CALD1: variants seen among roughly 807,000 people sequenced by gnomAD.
CALD1 encodes the protein caldesmon.
Under a neutral mutation model 99.9 loss-of-function variants are expected in CALD1, and 33 were observed. That is an observed-to-expected ratio of 0.33 (90% CI 0.25 to 0.44). The LOEUF (loss-of-function observed/expected upper bound fraction) is 0.44. Ranked by LOEUF, CALD1 falls within the 20% of genes least tolerant of loss-of-function variation. The probability of loss-of-function intolerance (pLI) is 1.00; values close to 1 mark genes in which losing one functional copy is unlikely to be tolerated. For missense variants in CALD1, 861 were observed against 962.1 expected (o/e 0.89, Z 1.39); for synonymous variants, 310 against 325.0 (o/e 0.95, Z 0.50).
chr7:134,886,747 A>G (rs1348467999), intron 3 of CALD1, among the ~76,000 whole-genome samples: 1 of 152,228 alleles, frequency 6.6e-6, no homozygotes, highest in Non-Finnish European at 1.5e-5. Flanking sequence ...ATTGAGCGTG[A>G]GAGTGATTAA....
the CALD1 span, among the ~76,000 whole-genome samples, chr7:134,712,463 C>CACGCAT: frequency 6.6e-6 from 1 of 152,170 alleles, no homozygotes; most frequent in Non-Finnish European, 1.5e-5. Flanking sequence ...CAACTGGATA[C>CACGCAT]ACGCATTGCA....
intron 6 of CALD1, among the ~76,000 whole-genome samples, chr7:134,940,241 C>G (rs1025417177): frequency 2.0e-5 from 3 of 152,052 alleles, no homozygotes; most frequent in Non-Finnish European, 4.4e-5. Context: ...TCCTTTACCC[C>G]CTCCCCCACA....
At chr7:134,769,258 C>T (rs1796856390) in intron 1 of CALD1, among the ~76,000 whole-genome samples, 1 of 152,014 alleles carries the variant, frequency 6.6e-6, no homozygotes, top group Non-Finnish European at 1.5e-5. Flanking sequence ...GTGAGGGCGT[C>T]CCAAGAGGAT....
chr7:134,793,452 G>A (rs7779600), intron 1 of CALD1, among the ~76,000 whole-genome samples: 38,320 of 151,868 alleles, frequency 0.25, 5,156 homozygotes, highest in African/African-American at 0.34. Context: ...GGTTTCAAGC[G>A]CCCATACATT....
the CALD1 span, among the ~76,000 whole-genome samples, chr7:134,711,678 A>ATGTGTG: frequency 2.0e-4 from 11 of 54,832 alleles, no homozygotes; most frequent in African/African-American, 5.6e-4. Flanking sequence ...ATATATATAT[A>ATGTGTG]TATGTGTGTG....
chr7:134,747,547 A>T (rs1028763075), intron 1 of CALD1, among the ~76,000 whole-genome samples: 4 of 152,242 alleles, frequency 2.6e-5, no homozygotes, highest in African/African-American at 9.6e-5. Context: ...CATTGTGGAG[A>T]TCACTGGGGC....
chr7:134,952,473 C>CT (rs747660510), intron 9 of CALD1, among the ~76,000 whole-genome samples: 7,499 of 140,868 alleles, frequency 0.053, 262 homozygotes, highest in Non-Finnish European at 0.072. Flanking sequence ...TTCCCTTAGT[C>CT]TTTTTTTTTT....
chr7:134,899,228 T>TA (rs1391433352), intron 3 of CALD1, among the ~76,000 whole-genome samples: 3 of 150,694 alleles, frequency 2.0e-5, no homozygotes, highest in Admixed American at 1.3e-4. Context: ...TTTTTTGAGA[T>TA]AGAGTTTCAC....
chr7:134,808,030 C>T (rs1195403011), intron 1 of CALD1, among the ~76,000 whole-genome samples: 1 of 152,084 alleles, frequency 6.6e-6, no homozygotes, highest in African/African-American at 2.4e-5. Context: ...TAAATTCTGC[C>T]ACACATGAAA....
At chr7:134,740,827 C>A (rs1334374445), upstream of CALD1, among the ~76,000 whole-genome samples, 3 of 152,186 alleles carry the variant, frequency 2.0e-5, no homozygotes, top group Non-Finnish European at 2.9e-5. Context: ...AGCTCATTAG[C>A]AAAGGGATAA....
At chr7:134,870,151 C>G (rs1330006885) in intron 3 of CALD1, among the ~76,000 whole-genome samples, 1 of 152,162 alleles carries the variant, frequency 6.6e-6, no homozygotes, top group African/African-American at 2.4e-5. Flanking sequence ...AGACATGGTT[C>G]TTGCCTTTAT....
At chr7:134,911,467 A>G (rs1395936957) in intron 3 of CALD1, among the ~76,000 whole-genome samples, 1 of 152,186 alleles carries the variant, frequency 6.6e-6, no homozygotes, top group Non-Finnish European at 1.5e-5. Context: ...TAAAGCTGTA[A>G]TAACTTTAAA....
chr7:134,869,115 T>A (rs944827529), intron 3 of CALD1, among the ~76,000 whole-genome samples: 19 of 151,982 alleles, frequency 1.3e-4, no homozygotes, highest in African/African-American at 4.3e-4. Context: ...GGAAAGGTAG[T>A]CATTATCCTG....
At chr7:134,828,437 C>CAATTTTTTAAAAATTTTTTAAAAA (rs1249017046) in intron 1 of CALD1, among the ~76,000 whole-genome samples, 1 of 152,154 alleles carries the variant, frequency 6.6e-6, no homozygotes, top group African/African-American at 2.4e-5. Flanking sequence ...TTGAAAGACT[C>CAATTTTTTAAAAATTTTTTAAAAA]AATCAATTTT....
At chr7:134,793,066 T>C (rs1585949439) in intron 1 of CALD1, among the ~76,000 whole-genome samples, 1 of 152,178 alleles carries the variant, frequency 6.6e-6, no homozygotes, top group African/African-American at 2.4e-5. Flanking sequence ...GACCATCTGG[T>C]ATGAGGCCTT....
chr7:134,963,114 T>G (rs1808404181), intron 13 of CALD1, among the ~76,000 whole-genome samples: 1 of 152,210 alleles, frequency 6.6e-6, no homozygotes, highest in Non-Finnish European at 1.5e-5. Context: ...GGAAAAATAT[T>G]TGTCTCATAT....
intron 3 of CALD1, among the ~76,000 whole-genome samples, chr7:134,887,806 ATG>A (rs1250187647): frequency 5.5e-5 from 6 of 108,322 alleles, no homozygotes; most frequent in Middle Eastern, 4.1e-3. Context: ...GCGCATGTGT[ATG>A]TGTGTGCATG....
chr7:134,898,606 C>G (rs147838032), intron 3 of CALD1, among the ~76,000 whole-genome samples: 3,318 of 151,950 alleles, frequency 0.022, 109 homozygotes, highest in African/African-American at 0.076. Flanking sequence ...TGGAGCCTCA[C>G]TCTATTGCCC....
In CALD1 at chr7:134,783,635, T is replaced by C. The variant is rs893673833; in HGVS notation, c.-130+3886T>C. ...CCCTGTGTTGTTCTTCCCTGTGTTGTTGCTATGGAAACCTTTGAGAATCTG... is the reference window on the plus strand; with the variant it reads ...CCCTGTGTTGTTCTTCCCTGTGTTGCTGCTATGGAAACCTTTGAGAATCTG... On this transcript the variant is annotated intron_variant, in intron 1 of 14. Transcript: ENST00000361675. The surrounding 1 kb of genome is among the most constrained non-coding windows in gnomAD (Gnocchi z 4.3). Among the ~76,000 whole-genome samples, 3 of 152,176 alleles carry C rather than the reference T, an allele frequency of 2.0e-5. No individual in the cohort carries two copies. The highest frequency in any genetic ancestry group is 2.9e-5 in the Non-Finnish European group (2 of 68,028).
Sources: allele counts gnomAD v4.1 joint callset (sites outside exome capture counted in the v4.1 genomes callset), GRCh38; gene constraint gnomAD v4.1.1; non-coding constraint Gnocchi (gnomAD v3.1); transcripts MANE v1.5; gene names NCBI Gene and HGNC (gene_info 2026-07-23, HGNC 2026-07-21).